Variants in FSTL4 observed in about 807,000 individuals in gnomAD.
The protein encoded by FSTL4 is follistatin-related protein 4.
A neutral mutation model predicts 78.2 loss-of-function variants in FSTL4; 28 were observed. That is an observed-to-expected ratio of 0.36 (90% CI 0.27 to 0.49). FSTL4 has a LOEUF of 0.49. Ranked by LOEUF, FSTL4 falls within the 20% of genes least tolerant of loss-of-function variation. The pLI is 0.98. For synonymous variants in FSTL4, 422 were observed against 440.5 expected, an observed-to-expected ratio of 0.96 and a Z score of 0.53; for missense variants, 922 against 1,084.9, an observed-to-expected ratio of 0.85 and a Z score of 2.11.
chr5:133,300,455 T>C (rs1380286153), intron 6 of FSTL4, among the ~76,000 whole-genome samples: 1 of 152,100 alleles, frequency 6.6e-6, no homozygotes, highest in Non-Finnish European at 1.5e-5. Context: ...TGCCCTTAAA[T>C]CCCCTACTGT....
At chr5:133,530,493 T>G (rs17166749) in intron 3 of FSTL4, among the ~76,000 whole-genome samples, 1 of 152,176 alleles carries the variant, frequency 6.6e-6, no homozygotes, top group African/African-American at 2.4e-5. Context: ...CTAGCCTAGG[T>G]GCCTTGAAGA....
At chr5:133,550,186 G>A (rs1370674822) in intron 3 of FSTL4, among the ~76,000 whole-genome samples, 1 of 152,150 alleles carries the variant, frequency 6.6e-6, no homozygotes, top group Admixed American at 6.5e-5. Flanking sequence ...TTGCTTAAAT[G>A]TTTTATCCAT....
In FSTL4 at chr5:133,316,640, G is replaced by T. The variant is rs150926814; in HGVS notation, c.422C>A (p.Thr141Asn). 1.2e-6 allele frequency: 2 copies of T among 1,610,068 alleles called. No individual in the cohort carries two copies. Among genetic ancestry groups the T allele is most frequent in the African/African-American group, 2.7e-5 (2 of 74,822 alleles). ...KDCFLKGDTC[T>N]MAGYARLKNV... Reference sequence around the variant, plus strand: ...CTTCAAGCGGGCGTAGCCGGCCATGGTGCACGTGTCACCTGAAAGAGAAGG... The same window carrying T: ...CTTCAAGCGGGCGTAGCCGGCCATGTTGCACGTGTCACCTGAAAGAGAAGG... The change falls in exon 5 of 16, where the codon ACC becomes AAC. Residue 141 changes from threonine to asparagine, a missense_variant. Thr to Asn is a moderately conservative substitution (Grantham distance 65). Transcript: ENST00000265342.
chr5:133,673,346 G>A, the FSTL4 span, among the ~76,000 whole-genome samples: 22 of 152,320 alleles, frequency 1.4e-4, no homozygotes, highest in Non-Finnish European at 2.6e-4. Flanking sequence ...AGTCACCAGG[G>A]CAGAGCAGCC....
At chr5:133,666,794 A>G in the FSTL4 span, among the ~76,000 whole-genome samples, 2 of 152,246 alleles carry the variant, frequency 1.3e-5, no homozygotes, top group African/African-American at 2.4e-5. Context: ...ATGAAACTGA[A>G]TAGAAATTAA....
At chr5:133,334,729 G>C (rs1306171037) in intron 4 of FSTL4, among the ~76,000 whole-genome samples, 1 of 152,212 alleles carries the variant, frequency 6.6e-6, no homozygotes, top group African/African-American at 2.4e-5. Context: ...CTAGGTACAT[G>C]GGGGAGGGGT....
chr5:133,617,844 G>A, the FSTL4 span, among the ~76,000 whole-genome samples: 46 of 152,182 alleles, frequency 3.0e-4, no homozygotes, highest in South Asian at 1.0e-3. Flanking sequence ...ATTAGATGAG[G>A]GCGTGGCATA....
the FSTL4 span, among the ~76,000 whole-genome samples, chr5:133,827,049 T>C: frequency 2.0e-5 from 3 of 152,244 alleles, no homozygotes; most frequent in South Asian, 4.1e-4. Context: ...AGCAGGAACT[T>C]TGTGGGTCCG....
chr5:133,213,708 T>C (rs904872762), intron 13 of FSTL4, among the ~76,000 whole-genome samples: 2 of 151,996 alleles, frequency 1.3e-5, no homozygotes, highest in African/African-American at 4.8e-5. Flanking sequence ...AAAAGCAACA[T>C]AAACAGGTAG....
intron 3 of FSTL4, among the ~76,000 whole-genome samples, chr5:133,498,579 A>C (rs1758419651): frequency 6.6e-6 from 1 of 152,032 alleles, no homozygotes; most frequent in South Asian, 2.1e-4. Context: ...TTAACTGGGC[A>C]TGGTGGCACA....
chr5:133,240,210 G>C (rs762818311), intron 7 of FSTL4, among the ~76,000 whole-genome samples: 8 of 152,130 alleles, frequency 5.3e-5, no homozygotes, highest in African/African-American at 1.9e-4. Context: ...CTCTGGACAC[G>C]CTGCCTTTAA....
the FSTL4 span, among the ~76,000 whole-genome samples, chr5:133,645,759 CGACCATGGG>C: frequency 6.6e-6 from 1 of 152,064 alleles, no homozygotes. Flanking sequence ...GGAAGCAATG[CGACCATGGG>C]GACAGAGATT....
At chr5:133,504,366 A>G (rs1758568320) in intron 3 of FSTL4, among the ~76,000 whole-genome samples, 1 of 152,204 alleles carries the variant, frequency 6.6e-6, no homozygotes, top group African/African-American at 2.4e-5. Context: ...AAAAATAGGT[A>G]GAATCCATCT....
chr5:133,532,610 G>GA, intron 3 of FSTL4, among the ~76,000 whole-genome samples: 1 of 152,054 alleles, frequency 6.6e-6, no homozygotes, highest in Admixed American at 6.5e-5. Flanking sequence ...CAGGACTCTG[G>GA]GCGTCAGAAC....
At chr5:133,553,759 C>T (rs1242365811) in intron 3 of FSTL4, among the ~76,000 whole-genome samples, 5 of 152,150 alleles carry the variant, frequency 3.3e-5, no homozygotes, top group South Asian at 2.1e-4. Flanking sequence ...ATAACTTAAA[C>T]GAAAGTCAAA....
At chr5:133,768,807 C>A in the FSTL4 span, among the ~76,000 whole-genome samples, 1 of 152,184 alleles carries the variant, frequency 6.6e-6, no homozygotes, top group Non-Finnish European at 1.5e-5. Flanking sequence ...GAATAAAGCT[C>A]CAATATTAAA....
chr5:133,560,136 C>T (rs1203086100), intron 3 of FSTL4, among the ~76,000 whole-genome samples: 16 of 152,190 alleles, frequency 1.1e-4, no homozygotes, highest in Non-Finnish European at 2.1e-4. Flanking sequence ...TGTCCCAGGG[C>T]AAAGGCTACA....
chr5:133,491,215 G>A (rs1044554420), intron 3 of FSTL4, among the ~76,000 whole-genome samples: 4 of 152,062 alleles, frequency 2.6e-5, no homozygotes, highest in East Asian at 3.9e-4. Flanking sequence ...TAAATTTGTC[G>A]ATGTTATTGT....
At chr5:133,835,680 T>C in the FSTL4 span, among the ~76,000 whole-genome samples, 3 of 152,340 alleles carry the variant, frequency 2.0e-5, no homozygotes, top group East Asian at 5.8e-4. Context: ...TTTCCAGTGA[T>C]ACTTGTTTTT....
Sources: gnomAD v4.1 joint callset for allele counts (sites outside exome capture counted in the v4.1 genomes callset) on GRCh38, gnomAD v4.1.1 for gene constraint, MANE v1.5 for transcripts, NCBI Gene and HGNC (gene_info 2026-07-23, HGNC 2026-07-21) for gene names.